Variants in CPD observed in about 807,000 individuals in gnomAD.
The protein encoded by CPD is carboxypeptidase D.
CPD carries 69 observed loss-of-function variants against 138.3 expected under a neutral mutation model. That is an observed-to-expected ratio of 0.50 (90% CI 0.41 to 0.61). CPD has a LOEUF of 0.61. Ranked by LOEUF, CPD falls within the 20% of genes least tolerant of loss-of-function variation. The pLI, the probability that CPD is intolerant of heterozygous loss-of-function variation, is 0.00. For missense variants in CPD, 1,432 were observed against 1,733.3 expected, an observed-to-expected ratio of 0.83 and a Z score of 3.09; for synonymous variants, 651 against 642.1, an observed-to-expected ratio of 1.01 and a Z score of -0.21.
In CPD at chr17:30,422,833, A is replaced by G. The variant is rs1363956483; in HGVS notation, c.1467A>G (p.Thr489=). ...CTATACCTAATATTCTTTCTGGAAC[A>G]TCATCCTCCTACCAGCCAATTCAGC... ...TVAIPNILSG[T]SSSYQPIQPK... is the part of the protein sequence containing the mutation. Residue 489 remains threonine, a synonymous_variant, in exon 5 of 21, where the codon ACA becomes ACG. Coordinates refer to ENST00000225719, the MANE Select transcript of CPD (RefSeq NM_001304.5). The G allele has an allele frequency of 1.9e-6, 3 of 1,614,116 alleles. No homozygotes were observed. The highest frequency in any genetic ancestry group is 1.7e-6 in the Non-Finnish European group (2 of 1,179,976).
At chr17:30,388,173 G>A (rs977215276) in intron 2 of CPD, among the ~76,000 whole-genome samples, 3 of 152,172 alleles carry the variant, frequency 2.0e-5, no homozygotes, top group African/African-American at 7.2e-5. Context: ...GGACCTCAGA[G>A]GGGAGGAAGT....
chr17:30,389,241 C>A (rs1394343785), intron 2 of CPD, among the ~76,000 whole-genome samples: 1 of 152,204 alleles, frequency 6.6e-6, no homozygotes, highest in Non-Finnish European at 1.5e-5. Context: ...GCTGCTATCA[C>A]TTTCTAGAAT....
intron 2 of CPD, among the ~76,000 whole-genome samples, chr17:30,409,766 T>C (rs2143380663): frequency 6.6e-6 from 1 of 152,352 alleles, no homozygotes; most frequent in East Asian, 1.9e-4. Context: ...TTAGTCTTGC[T>C]AGCAGTCTAT....
At chr17:30,409,509 G>T (rs1230549732) in intron 2 of CPD, among the ~76,000 whole-genome samples, 1 of 151,642 alleles carries the variant, frequency 6.6e-6, no homozygotes, top group African/African-American at 2.4e-5. Context: ...TGGTTGGTAG[G>T]CTATTATTGC....
chr17:30,432,926 T>C (rs896724938), intron 8 of CPD, among the ~76,000 whole-genome samples: 2 of 151,940 alleles, frequency 1.3e-5, no homozygotes, highest in Admixed American at 6.6e-5. Flanking sequence ...CTCAAAAAAA[T>C]AAAAATTGTC....
At chr17:30,417,336 A>C (rs1912137280) in intron 2 of CPD, among the ~76,000 whole-genome samples, 1 of 152,116 alleles carries the variant, frequency 6.6e-6, no homozygotes, top group Admixed American at 6.5e-5. Flanking sequence ...GGTGCTCAAT[A>C]AATATTTGCC....
intron 1 of CPD, among the ~76,000 whole-genome samples, chr17:30,381,268 CAAAT>C (rs1440518189): frequency 1.3e-5 from 2 of 152,132 alleles, no homozygotes; most frequent in Non-Finnish European, 2.9e-5. Flanking sequence ...GATGATACAA[CAAAT>C]GCACCGTTTG....
At chr17:30,417,644 TC>T (rs1016694619) in intron 2 of CPD, among the ~76,000 whole-genome samples, 1 of 152,116 alleles carries the variant, frequency 6.6e-6, no homozygotes, top group Non-Finnish European at 1.5e-5. Context: ...CTCACATCTT[TC>T]CCTTCTCTTC....
intron 20 of CPD, among the ~76,000 whole-genome samples, chr17:30,463,083 T>G (rs1913534756): frequency 6.6e-6 from 1 of 152,194 alleles, no homozygotes; most frequent in Non-Finnish European, 1.5e-5. Flanking sequence ...CATGAACATG[T>G]CACAGTGCTG....
At chr17:30,394,170 A>G (rs1274783811) in intron 2 of CPD, among the ~76,000 whole-genome samples, 3 of 99,294 alleles carry the variant, frequency 3.0e-5, no homozygotes, top group Non-Finnish European at 6.0e-5. Context: ...CGTGTCAAAA[A>G]AAAAAGAAAA....
intron 2 of CPD, among the ~76,000 whole-genome samples, chr17:30,408,234 G>A (rs914825476): frequency 6.6e-6 from 1 of 152,192 alleles, no homozygotes; most frequent in Non-Finnish European, 1.5e-5. Flanking sequence ...TTGAAGTCAG[G>A]TAGCATGATG....
chr17:30,386,094 A>G (rs1005424538), intron 2 of CPD, among the ~76,000 whole-genome samples: 5 of 152,108 alleles, frequency 3.3e-5, no homozygotes, highest in African/African-American at 9.7e-5. Context: ...CAATAGTACA[A>G]TCATAGCTCA....
chr17:30,439,385 C>T (rs1213280649), intron 9 of CPD, among the ~76,000 whole-genome samples: 3 of 97,288 alleles, frequency 3.1e-5, no homozygotes, highest in Non-Finnish European at 6.1e-5. Context: ...TTCTTTACAA[C>T]GTTACTTTCT....
chr17:30,433,223 CAT>C (rs1317783367), intron 8 of CPD, among the ~76,000 whole-genome samples: 1 of 152,080 alleles, frequency 6.6e-6, no homozygotes, highest in Admixed American at 6.6e-5. Flanking sequence ...TCTGTTTGGA[CAT>C]ATATGTTTTT....
At position 30,456,295 on chromosome 17, in the gene CPD, A is replaced by G. The variant is rs1210490690; in HGVS notation, c.3377A>G (p.Tyr1126Cys). 1 of 1,614,216 alleles carries G rather than the reference A, an allele frequency of 6.2e-7. No homozygotes were observed. Among genetic ancestry groups the G allele is most frequent in the Non-Finnish European group, 8.5e-7 (1 of 1,180,032 alleles). Residue 1126 changes from tyrosine to cysteine, a missense_variant, in exon 16 of 21, where the codon TAT becomes TGT. Tyr to Cys is a radical substitution (Grantham distance 194). This residue lies in a region of CPD where 366 missense variants were observed against 518.8 expected (regional missense o/e 0.71). Transcript: ENST00000225719. ...KETLKHLASLYANNHPSMHMG... is the reference protein window; with the variant it reads ...KETLKHLASLCANNHPSMHMG... ...ACTCTGAAGCATTTGGCATCTCTTT[A>G]TGCAAATAATCATCCATCCATGCAC... is the stretch of plus-strand genomic sequence containing the variant.
intron 13 of CPD, among the ~76,000 whole-genome samples, chr17:30,450,857 A>G (rs921127747): frequency 3.9e-5 from 6 of 151,988 alleles, no homozygotes; most frequent in Non-Finnish European, 8.8e-5. Flanking sequence ...GAATCTCAAA[A>G]ACAAACAAAA....
intron 2 of CPD, among the ~76,000 whole-genome samples, chr17:30,401,042 T>C (rs929407711): frequency 1.3e-5 from 2 of 152,102 alleles, no homozygotes; most frequent in South Asian, 2.1e-4. Flanking sequence ...TGTAGTTTGT[T>C]GTTTTTGCTG....
In CPD at chr17:30,459,206, TTTATTTATTATTTA is replaced by T. The variant is rs1555611099; in HGVS notation, c.3499-1957_3499-1944del. On this transcript the variant is annotated intron_variant, in intron 17 of 20. Coordinates refer to ENST00000225719, the MANE Select transcript of CPD (RefSeq NM_001304.5). ...TTTTTTAATTTATTTTTTATTTATT[TTTATTTATTATTTA>T]TTATTTATTATTTATTTTTTTATTA... Among the ~76,000 whole-genome samples, 82 of 122,962 alleles carry T rather than the reference TTTATTTATTATTTA, an allele frequency of 6.7e-4. 1 individual carries two copies. Among genetic ancestry groups the T allele is most frequent in the African/African-American group, 2.3e-3 (71 of 31,262 alleles). The allele number at this position is 122,962 out of a possible 152,430, so 80.7% of individuals were successfully genotyped here. A position where few individuals can be genotyped will look rare whatever the true frequency, so the allele number is the denominator to read the frequency against.
chr17:30,432,857 T>A (rs1912599609), intron 8 of CPD, among the ~76,000 whole-genome samples: 1 of 152,102 alleles, frequency 6.6e-6, no homozygotes. Context: ...AGATTGAGGT[T>A]GAAGTGAGCT....
Sources: allele counts gnomAD v4.1 joint callset (sites outside exome capture counted in the v4.1 genomes callset), GRCh38; gene constraint gnomAD v4.1.1; regional missense constraint gnomAD v4.1.1; transcripts MANE v1.5; gene names NCBI Gene and HGNC (gene_info 2026-07-23, HGNC 2026-07-21).